MDGA2: variants seen among roughly 807,000 people sequenced by gnomAD.
MDGA2 encodes the protein MAM domain containing glycosylphosphatidylinositol anchor 2.
Under a neutral mutation model 117.8 loss-of-function variants are expected in MDGA2, and 40 were observed. The observed-to-expected ratio is 0.34, with a 90% CI of 0.26 to 0.44. MDGA2 has a LOEUF of 0.44. Ranked by LOEUF, MDGA2 falls within the 20% of genes least tolerant of loss-of-function variation. The probability of loss-of-function intolerance (pLI) is 1.00; values close to 1 mark genes in which losing one functional copy is unlikely to be tolerated. For missense variants in MDGA2, 1,123 were observed against 1,250.6 expected (o/e 0.90, Z 1.54); for synonymous variants, 452 against 439.0 (o/e 1.03, Z -0.37).
At chr14:47,185,021 T>C (rs989999597) in intron 3 of MDGA2, among the ~76,000 whole-genome samples, 1 of 151,256 alleles carries the variant, frequency 6.6e-6, no homozygotes, top group Non-Finnish European at 1.5e-5. Context: ...AGTAATATGC[T>C]AGAACTATGT....
chr14:47,344,468 C>G (rs1356221122), intron 1 of MDGA2, among the ~76,000 whole-genome samples: 1 of 152,044 alleles, frequency 6.6e-6, no homozygotes. Context: ...AGAATGTGAG[C>G]TTCTCAAATT....
At chr14:47,013,276 CAAT>C (rs1887959756) in intron 8 of MDGA2, among the ~76,000 whole-genome samples, 1 of 152,122 alleles carries the variant, frequency 6.6e-6, no homozygotes, top group African/African-American at 2.4e-5. Context: ...GTCATTTCAA[CAAT>C]GTTTATAGCA....
intron 3 of MDGA2, among the ~76,000 whole-genome samples, chr14:47,215,625 G>C (rs1249097799): frequency 4.6e-5 from 7 of 151,998 alleles, no homozygotes; most frequent in African/African-American, 1.7e-4. Flanking sequence ...ATCAAAAATA[G>C]GAATAACTAC....
intron 2 of MDGA2, among the ~76,000 whole-genome samples, chr14:47,258,634 A>G (rs1407787033): frequency 6.6e-6 from 1 of 152,130 alleles, no homozygotes; most frequent in Non-Finnish European, 1.5e-5. Flanking sequence ...TATCACTAAA[A>G]TTATATTAGT....
intron 1 of MDGA2, among the ~76,000 whole-genome samples, chr14:47,432,188 G>A (rs189025428): frequency 1.3e-5 from 2 of 151,742 alleles, no homozygotes; most frequent in African/African-American, 2.4e-5. Context: ...GGGATTTTTC[G>A]CTCTTAGTTT....
At chr14:47,363,203 T>C (rs1184788902) in intron 1 of MDGA2, among the ~76,000 whole-genome samples, 1 of 152,146 alleles carries the variant, frequency 6.6e-6, no homozygotes, top group Non-Finnish European at 1.5e-5. Context: ...TAAGAAATGC[T>C]TGACTATCTG....
intron 3 of MDGA2, among the ~76,000 whole-genome samples, chr14:47,214,186 G>C (rs968561567): frequency 6.6e-6 from 1 of 151,978 alleles, no homozygotes; most frequent in Non-Finnish European, 1.5e-5. Context: ...GGGCATGGGG[G>C]AAACTATGTT....
At chr14:47,538,585 C>G (rs956126085) in intron 1 of MDGA2, among the ~76,000 whole-genome samples, 2 of 152,180 alleles carry the variant, frequency 1.3e-5, no homozygotes, top group Non-Finnish European at 2.9e-5. Context: ...TTCTCACACT[C>G]AAAACATCTC....
At chr14:46,888,660 G>T (rs1022681570) in intron 10 of MDGA2, among the ~76,000 whole-genome samples, 1 of 151,000 alleles carries the variant, frequency 6.6e-6, no homozygotes, top group African/African-American at 2.4e-5. Context: ...AAAAGCAGAA[G>T]GCTGCAACAG....
chr14:47,465,092 G>A (rs1893572618), intron 1 of MDGA2, among the ~76,000 whole-genome samples: 2 of 152,106 alleles, frequency 1.3e-5, no homozygotes, highest in African/African-American at 2.4e-5. Flanking sequence ...ACAGAAAAAA[G>A]TGGAGAAATG....
intron 1 of MDGA2, among the ~76,000 whole-genome samples, chr14:47,398,587 A>T (rs1892067412): frequency 6.6e-6 from 1 of 152,198 alleles, no homozygotes; most frequent in Non-Finnish European, 1.5e-5. Context: ...GCTACATATG[A>T]GAAAATCAAG....
intron 2 of MDGA2, among the ~76,000 whole-genome samples, chr14:47,221,463 C>A (rs577515864): frequency 6.6e-6 from 1 of 152,048 alleles, no homozygotes; most frequent in Non-Finnish European, 1.5e-5. Context: ...CCGAGGCAGG[C>A]GGATCACGAG....
intron 2 of MDGA2, among the ~76,000 whole-genome samples, chr14:47,290,924 C>T (rs1888864765): frequency 6.6e-6 from 1 of 152,122 alleles, no homozygotes; most frequent in African/African-American, 2.4e-5. Context: ...CAAGGGACAA[C>T]AAAGGGAGCA....
intron 9 of MDGA2, among the ~76,000 whole-genome samples, chr14:46,929,233 C>A (rs1217204953): frequency 1.3e-5 from 2 of 151,954 alleles, no homozygotes; most frequent in East Asian, 3.9e-4. Flanking sequence ...TATGTATGAA[C>A]CATAGCTTTG....
intron 8 of MDGA2, among the ~76,000 whole-genome samples, chr14:46,992,869 G>T (rs951326702): frequency 4.6e-5 from 7 of 152,232 alleles, no homozygotes; most frequent in Non-Finnish European, 8.8e-5. Context: ...GCATGAAGTT[G>T]ATTAATAGCA....
intron 1 of MDGA2, among the ~76,000 whole-genome samples, chr14:47,594,059 T>C (rs773514772): frequency 6.6e-6 from 1 of 152,066 alleles, no homozygotes; most frequent in Non-Finnish European, 1.5e-5. Context: ...AGGATAAAAC[T>C]TACAATTTTT....
intron 1 of MDGA2, among the ~76,000 whole-genome samples, chr14:47,661,424 T>A (rs1175295679): frequency 6.6e-6 from 1 of 152,184 alleles, no homozygotes; most frequent in African/African-American, 2.4e-5. Context: ...ATCTCATCTT[T>A]AATTATTTTT....
intron 8 of MDGA2, among the ~76,000 whole-genome samples, chr14:46,995,245 G>T (rs1465400863): frequency 6.6e-6 from 1 of 152,002 alleles, no homozygotes; most frequent in Admixed American, 6.6e-5. Context: ...ATGTCCATTA[G>T]AACCAATTAG....
chr14:47,052,498 C>G (rs1035697828), intron 7 of MDGA2, among the ~76,000 whole-genome samples: 3 of 151,598 alleles, frequency 2.0e-5, no homozygotes, highest in African/African-American at 7.3e-5. Context: ...AATGTTCTTT[C>G]CATAGTAATA....
Sources: gnomAD v4.1 joint callset for allele counts (sites outside exome capture counted in the v4.1 genomes callset) on GRCh38, gnomAD v4.1.1 for gene constraint, MANE v1.5 for transcripts, NCBI Gene and HGNC (gene_info 2026-07-23, HGNC 2026-07-21) for gene names.